Variants in VWC2L observed in about 807,000 individuals in gnomAD.
VWC2L encodes the protein von Willebrand factor C domain containing 2 like, also known as von Willebrand factor C domain-containing protein 2-like.
Under a neutral mutation model 21.6 loss-of-function variants are expected in VWC2L, and 10 were observed. The observed-to-expected ratio is 0.46, with a 90% CI of 0.29 to 0.78. VWC2L has a LOEUF of 0.78. Ranked by LOEUF, VWC2L falls within the 30% of genes least tolerant of loss-of-function variation. The pLI is 0.10. For synonymous variants in VWC2L, 96 were observed against 94.3 expected, an observed-to-expected ratio of 1.02 and a Z score of -0.10; for missense variants, 209 against 277.1, an observed-to-expected ratio of 0.75 and a Z score of 1.74.
At chr2:214,444,563 A>G (rs1702811801) in intron 3 of VWC2L, among the ~76,000 whole-genome samples, 3 of 152,060 alleles carry the variant, frequency 2.0e-5, no homozygotes, top group South Asian at 4.1e-4. Flanking sequence ...AGTTGACAAA[A>G]TAAACATTTC....
intron 3 of VWC2L, among the ~76,000 whole-genome samples, chr2:214,462,427 T>A (rs1703157377): frequency 6.6e-6 from 1 of 152,226 alleles, no homozygotes; most frequent in Admixed American, 6.5e-5. Context: ...GTTACTTCTT[T>A]GCTAAATTAC....
chr2:214,548,313 A>T (rs961414485), intron 3 of VWC2L, among the ~76,000 whole-genome samples: 4 of 152,198 alleles, frequency 2.6e-5, no homozygotes, highest in Non-Finnish European at 5.9e-5. Flanking sequence ...TACACAATTT[A>T]AAAAAATTTT....
At chr2:214,440,230 A>G (rs866243957) in intron 3 of VWC2L, among the ~76,000 whole-genome samples, 2 of 152,072 alleles carry the variant, frequency 1.3e-5, no homozygotes, top group Non-Finnish European at 2.9e-5. Context: ...TGTAAGACAC[A>G]TAATAGGAGG....
chr2:214,534,022 C>G (rs1689484178), intron 3 of VWC2L: 2 of 152,520 alleles, frequency 1.3e-5, no homozygotes, highest in African/African-American at 4.8e-5. Context: ...CTGCTTGATT[C>G]CCTTCAGTTG....
At chr2:214,570,108 C>A (rs898846977) in intron 3 of VWC2L, among the ~76,000 whole-genome samples, 2 of 152,042 alleles carry the variant, frequency 1.3e-5, no homozygotes, top group African/African-American at 4.8e-5. Flanking sequence ...TCTCTGATTA[C>A]TAGATACACT....
intron 3 of VWC2L, among the ~76,000 whole-genome samples, chr2:214,464,015 T>G (rs990819222): frequency 5.9e-5 from 9 of 152,122 alleles, no homozygotes; most frequent in Non-Finnish European, 1.2e-4. Context: ...TATTTCAATC[T>G]CTATTAAAAT....
intron 3 of VWC2L, among the ~76,000 whole-genome samples, chr2:214,456,734 C>A (rs1703064072): frequency 6.6e-6 from 1 of 151,924 alleles, no homozygotes; most frequent in African/African-American, 2.4e-5. Flanking sequence ...GTCTTTAATC[C>A]ATTTTGAGTT....
chr2:214,501,378 G>A (rs1451897103), intron 3 of VWC2L, among the ~76,000 whole-genome samples: 1 of 151,978 alleles, frequency 6.6e-6, no homozygotes, highest in Non-Finnish European at 1.5e-5. Context: ...ATGCCTCCCC[G>A]AATCCATACC....
chr2:214,560,645 A>AT (rs879920858), intron 3 of VWC2L, among the ~76,000 whole-genome samples: 31 of 152,132 alleles, frequency 2.0e-4, no homozygotes, highest in African/African-American at 5.6e-4. Context: ...GAGTAACACT[A>AT]TTTTTTTAAC....
intron 3 of VWC2L, among the ~76,000 whole-genome samples, chr2:214,555,284 G>C (rs1689857048): frequency 6.6e-6 from 1 of 152,128 alleles, no homozygotes; most frequent in South Asian, 2.1e-4. Flanking sequence ...TTTGATGTCT[G>C]CTTGTAACTT....
chr2:214,508,339 C>A (rs1688999398), intron 3 of VWC2L, among the ~76,000 whole-genome samples: 1 of 152,168 alleles, frequency 6.6e-6, no homozygotes, highest in African/African-American at 2.4e-5. Flanking sequence ...GAAATTTTCT[C>A]TGGATTCGCC....
intron 3 of VWC2L, among the ~76,000 whole-genome samples, chr2:214,549,423 A>G (rs1405654562): frequency 6.6e-6 from 1 of 152,234 alleles, no homozygotes; most frequent in Admixed American, 6.5e-5. Flanking sequence ...AGAATCACAG[A>G]TGAAAAGAAG....
intron 3 of VWC2L, among the ~76,000 whole-genome samples, chr2:214,490,059 C>T (rs920114865): frequency 8.5e-5 from 13 of 152,130 alleles, no homozygotes; most frequent in African/African-American, 3.1e-4. Flanking sequence ...CAGTCTGCCA[C>T]AAATAGCTGA....
intron 3 of VWC2L, among the ~76,000 whole-genome samples, chr2:214,511,905 T>G (rs1256728160): frequency 3.3e-5 from 3 of 90,770 alleles, no homozygotes; most frequent in Non-Finnish European, 4.3e-5. Flanking sequence ...TATACTTTAC[T>G]TTATATATAC....
chr2:214,473,172 G>A (rs909458263), intron 3 of VWC2L, among the ~76,000 whole-genome samples: 1 of 152,132 alleles, frequency 6.6e-6, no homozygotes, highest in African/African-American at 2.4e-5. Flanking sequence ...CACAATAAAA[G>A]CTGAGTACAT....
intron 3 of VWC2L, among the ~76,000 whole-genome samples, chr2:214,490,535 A>C (rs1057420526): frequency 5.3e-5 from 8 of 152,164 alleles, no homozygotes; most frequent in African/African-American, 1.9e-4. Flanking sequence ...AGCTGGAAGA[A>C]GGAGAAGGAC....
rs1331791885 is a variant in VWC2L at position 214,521,450 on chromosome 2, G to C, written c.521-54222G>C. On this transcript the variant is annotated intron_variant, in intron 3 of 3. Transcript: ENST00000312504. ...TAGCTTAACTAATTCTGCATTTCCT[G>C]CTTTTTCCTCTTCTTGCTCTTAATT... is the stretch of plus-strand genomic sequence containing the variant. Among the ~76,000 whole-genome samples the C allele has an allele frequency of 2.0e-5, 3 of 152,126 alleles. No homozygotes were observed. The East Asian group carries it at 5.8e-4, about 29-fold the overall frequency.
At chr2:214,522,056 G>A (rs1324297216) in intron 3 of VWC2L, among the ~76,000 whole-genome samples, 1 of 152,162 alleles carries the variant, frequency 6.6e-6, no homozygotes, top group African/African-American at 2.4e-5. Context: ...ATAATAGCTA[G>A]ACAATGTTTA....
chr2:214,565,479 C>T (rs1263166962), intron 3 of VWC2L, among the ~76,000 whole-genome samples: 1 of 152,170 alleles, frequency 6.6e-6, no homozygotes, highest in Admixed American at 6.5e-5. Context: ...CTGACCCTAC[C>T]TAATGATGTG....
Sources: allele counts gnomAD v4.1 joint callset (sites outside exome capture counted in the v4.1 genomes callset), GRCh38; gene constraint gnomAD v4.1.1; transcripts MANE v1.5; gene names NCBI Gene and HGNC (gene_info 2026-07-23, HGNC 2026-07-21).